The following RARS2 variants were observed in gnomAD, a reference collection of about 807,000 sequenced individuals.
RARS2 encodes arginyl-tRNA synthetase 2, mitochondrial, also known as probable arginine--tRNA ligase, mitochondrial.
RARS2 carries 67 observed loss-of-function variants against 88.5 expected under a neutral mutation model. That is an observed-to-expected ratio of 0.76 (90% CI 0.62 to 0.93). The LOEUF (loss-of-function observed/expected upper bound fraction) is 0.93. Among genes scored for constraint, RARS2 ranks in the 40% least tolerant of loss-of-function variants. The pLI is 0.00. For synonymous variants in RARS2, 239 were observed against 230.3 expected (o/e 1.04, Z -0.34); for missense variants, 664 against 684.2 (o/e 0.97, Z 0.33).
At chr6:87,548,921 ATG>A (rs1783469616) in intron 5 of RARS2, among the ~76,000 whole-genome samples, 1 of 152,220 alleles carries the variant, frequency 6.6e-6, no homozygotes, top group African/African-American at 2.4e-5. Flanking sequence ...AAATTTAAAA[ATG>A]TAAAAATACC....
Position 87,521,520 on chromosome 6 carries a change from G to T in RARS2, c.979C>A (p.Leu327Ile). 6.2e-7 allele frequency: 1 copy of T among 1,611,946 alleles called. No homozygotes were observed. The highest frequency in any genetic ancestry group is 8.5e-7 in the Non-Finnish European group (1 of 1,178,354). The change falls in exon 12 of 20, where the codon CTT (leucine) becomes ATT (isoleucine). Residue 327 changes from leucine (L) to isoleucine (I), a missense_variant. Physicochemically the swap from Leu to Ile is conservative, Grantham distance 5. Coordinates refer to ENST00000369536, the MANE Select transcript of RARS2 (RefSeq NM_020320.5). ...TCCATTCGATCTATAGCAGCTGCAA[G>T]ATCTCTGAAACAAAGTGGCCATAAA... ...DGTSLYATRD[L>I]AAAIDRMDKY...
intron 6 of RARS2, among the ~76,000 whole-genome samples, chr6:87,547,997 C>T (rs977040163): frequency 1.3e-5 from 2 of 152,010 alleles, no homozygotes; most frequent in Admixed American, 6.5e-5. Flanking sequence ...CTCACATGAC[C>T]GAGGTGAATT....
chr6:87,572,219 A>C (rs1255945738), intron 1 of RARS2, among the ~76,000 whole-genome samples: 1 of 152,216 alleles, frequency 6.6e-6, no homozygotes, highest in Non-Finnish European at 1.5e-5. Context: ...CGGGGATAAT[A>C]AATCTGTTAA....
intron 11 of RARS2, among the ~76,000 whole-genome samples, chr6:87,522,868 C>T (rs1207863287): frequency 1.3e-5 from 2 of 152,104 alleles, no homozygotes; most frequent in African/African-American, 4.8e-5. Context: ...CTTTGGCTTC[C>T]CAAAGTTCTA....
rs114347918 is a variant in RARS2, at chr6:87,514,706, T to C, written c.1651-207A>G. Among the ~76,000 whole-genome samples, 769 of 152,326 alleles carry C rather than the reference T, an allele frequency of 5.0e-3. 11 individuals are homozygous for C. Among genetic ancestry groups the C allele is most frequent in the African/African-American group, 0.018 (742 of 41,582 alleles). On this transcript the variant is annotated intron_variant, in intron 19 of 19. Coordinates refer to ENST00000369536, the MANE Select transcript of RARS2 (RefSeq NM_020320.5). Reference sequence around the variant, plus strand: ...ATAAAGTGTCATGGAGTGGGAGTGATAGTATTATACAGTATGGCTTCAGAT... The same window carrying C: ...ATAAAGTGTCATGGAGTGGGAGTGACAGTATTATACAGTATGGCTTCAGAT...
chr6:87,543,261 C>T (rs1275699732), intron 7 of RARS2, among the ~76,000 whole-genome samples: 1 of 151,886 alleles, frequency 6.6e-6, no homozygotes, highest in African/African-American at 2.4e-5. Context: ...CGAGATCCCG[C>T]CATTGCATTC....
chr6:87,568,547 T>C (rs752877569), intron 2 of RARS2, among the ~76,000 whole-genome samples: 1 of 152,196 alleles, frequency 6.6e-6, no homozygotes, highest in African/African-American at 2.4e-5. Context: ...TTATGCAGAA[T>C]GTCATTTATA....
chr6:87,589,897 C>A lies in RARS2; in HGVS notation c.36+25G>T, dbSNP rs376575044. 23 of 1,614,236 alleles carry A rather than the reference C, an allele frequency of 1.4e-5. No individual in the cohort carries two copies. In the African/African-American group the frequency reaches 2.9e-4, roughly 21 times the overall value. On this transcript the variant is annotated intron_variant, in intron 1 of 19. Coordinates refer to ENST00000369536, the MANE Select transcript of RARS2 (RefSeq NM_020320.5). ...TGGGGTCCCTAGCTCCTCAGGGACTCCTCTGCGCGCTCCGGGATCCATACC... is the reference window on the plus strand; with the variant it reads ...TGGGGTCCCTAGCTCCTCAGGGACTACTCTGCGCGCTCCGGGATCCATACC...
Position 87,530,950 on chromosome 6 carries a change from TA to T in RARS2, c.613-9del, listed in dbSNP as rs1474935778. On this transcript the variant is annotated splice_polypyrimidine_tract_variant and intron_variant, in intron 8 of 19. Coordinates refer to ENST00000369536, the MANE Select transcript of RARS2 (RefSeq NM_020320.5). ...ATTAACTTGTACATAAACCTAAAAGTACAATAGTACATTAAATGAAGTACAT... is the reference window on the plus strand; with the variant it reads ...ATTAACTTGTACATAAACCTAAAAGTCAATAGTACATTAAATGAAGTACAT... 1 of 1,613,918 alleles carries T rather than the reference TA, an allele frequency of 6.2e-7. No homozygotes were observed. The highest frequency in any genetic ancestry group is 8.5e-7 in the Non-Finnish European group (1 of 1,179,986).
intron 1 of RARS2, among the ~76,000 whole-genome samples, chr6:87,588,280 T>C (rs1394325306): frequency 1.3e-5 from 2 of 152,250 alleles, no homozygotes; most frequent in Non-Finnish European, 1.5e-5. Context: ...TTCATTAGCA[T>C]AACTTTACTG....
At chr6:87,564,556 C>T in intron 2 of RARS2, 1 of 373,238 alleles carries the variant, frequency 2.7e-6, no homozygotes, top group Non-Finnish European at 5.1e-6. Flanking sequence ...ACAATCCCAG[C>T]TGCTTGGGAG....
intron 1 of RARS2, among the ~76,000 whole-genome samples, chr6:87,573,556 C>T (rs960932568): frequency 3.3e-5 from 5 of 152,046 alleles, no homozygotes; most frequent in Admixed American, 2.0e-4. Flanking sequence ...TTTAGTTGTG[C>T]AAGATGAAAA....
intron 1 of RARS2, among the ~76,000 whole-genome samples, chr6:87,573,210 G>A (rs1182975382): frequency 1.3e-5 from 2 of 152,122 alleles, no homozygotes; most frequent in African/African-American, 4.8e-5. Context: ...AAAGCGAAAG[G>A]GAAGCAGGCA....
At chr6:87,582,361 T>A (rs966941214) in intron 1 of RARS2, among the ~76,000 whole-genome samples, 1 of 152,216 alleles carries the variant, frequency 6.6e-6, no homozygotes, top group Admixed American at 6.5e-5. Flanking sequence ...CGATCAGTGA[T>A]GTTGAGCTTT....
chr6:87,553,483 T>A (rs1293836469), intron 5 of RARS2, among the ~76,000 whole-genome samples: 1 of 152,232 alleles, frequency 6.6e-6, no homozygotes, highest in Non-Finnish European at 1.5e-5. Flanking sequence ...CCATCTGATC[T>A]GTCGCAACTA....
At chr6:87,588,243 A>G (rs995915559) in intron 1 of RARS2, among the ~76,000 whole-genome samples, 1 of 152,230 alleles carries the variant, frequency 6.6e-6, no homozygotes, top group African/African-American at 2.4e-5. Flanking sequence ...TACTGTCTAC[A>G]TTAACATGAA....
intron 8 of RARS2, among the ~76,000 whole-genome samples, chr6:87,532,344 T>C (rs557509192): frequency 1.3e-5 from 2 of 152,306 alleles, no homozygotes; most frequent in Admixed American, 1.3e-4. Flanking sequence ...TCCACCAACT[T>C]AACTGATAAA....
At chr6:87,550,726 A>G (rs1390928958) in intron 5 of RARS2, among the ~76,000 whole-genome samples, 1 of 149,718 alleles carries the variant, frequency 6.7e-6, no homozygotes, top group Non-Finnish European at 1.5e-5. Flanking sequence ...AAAAAAAAAG[A>G]ATAGAATACA....
At chr6:87,559,463 CAAAAAAAAAAAAA>C (rs753856335) in intron 4 of RARS2, among the ~76,000 whole-genome samples, 41,921 of 93,234 alleles carry the variant, frequency 0.45, 7,086 homozygotes, top group Admixed American at 0.55. Flanking sequence ...AACTCTGTCT[CAAAAAAAAAAAAA>C]AAAAAAAAAA....
Sources: allele counts gnomAD v4.1 joint callset (sites outside exome capture counted in the v4.1 genomes callset), GRCh38; gene constraint gnomAD v4.1.1; transcripts MANE v1.5; gene names NCBI Gene and HGNC (gene_info 2026-07-23, HGNC 2026-07-21).